Variants in NBEA observed in about 807,000 individuals in gnomAD.
NBEA encodes the protein neurobeachin, also known as lysosomal-trafficking regulator 2.
NBEA carries 44 observed loss-of-function variants against 343.4 expected under a neutral mutation model. That is an observed-to-expected ratio of 0.13 (90% CI 0.10 to 0.16). The LOEUF is 0.16. NBEA is among the 10% of genes least tolerant of loss of function. The pLI, the probability that NBEA is intolerant of heterozygous loss-of-function variation, is 1.00. For synonymous variants in NBEA, 1,175 were observed against 1,238.7 expected (o/e 0.95, Z 1.08); for missense variants, 2,555 against 3,631.3 (o/e 0.70, Z 7.62).
chr13:34,966,391 T>G (rs2059821407), intron 1 of NBEA, among the ~76,000 whole-genome samples: 1 of 152,048 alleles, frequency 6.6e-6, no homozygotes, highest in Non-Finnish European at 1.5e-5. Flanking sequence ...TAGCCCCAAG[T>G]TGTGCTTGTT....
At chr13:34,956,660 A>G (rs2152487671) in intron 1 of NBEA, among the ~76,000 whole-genome samples, 1 of 152,336 alleles carries the variant, frequency 6.6e-6, no homozygotes, top group East Asian at 1.9e-4. Context: ...CTTTGTGATA[A>G]GAACACTCAA....
chr13:35,115,159 C>T (rs573527316), intron 13 of NBEA, among the ~76,000 whole-genome samples: 2 of 152,202 alleles, frequency 1.3e-5, no homozygotes, highest in East Asian at 3.9e-4. Flanking sequence ...TGTTACTACT[C>T]TCCCAGGTAG....
intron 38 of NBEA, among the ~76,000 whole-genome samples, chr13:35,423,155 A>C (rs1344166809): frequency 1.3e-5 from 2 of 152,270 alleles, no homozygotes; most frequent in African/African-American, 4.8e-5. Context: ...TAGTTTAATT[A>C]GATCCCATTT....
At chr13:35,384,100 T>C (rs1226222136) in intron 38 of NBEA, among the ~76,000 whole-genome samples, 1 of 152,064 alleles carries the variant, frequency 6.6e-6, no homozygotes, top group Non-Finnish European at 1.5e-5. Flanking sequence ...GTCACACCCA[T>C]ACTGAGTGAG....
At chr13:35,254,939 A>G (rs1020121427) in intron 34 of NBEA, among the ~76,000 whole-genome samples, 1 of 152,070 alleles carries the variant, frequency 6.6e-6, no homozygotes, top group Non-Finnish European at 1.5e-5. Context: ...TTATTTCTCC[A>G]TAGGGAAGTA....
intron 8 of NBEA, among the ~76,000 whole-genome samples, chr13:35,068,565 A>G (rs1284422509): frequency 6.6e-6 from 1 of 152,072 alleles, no homozygotes; most frequent in Non-Finnish European, 1.5e-5. Flanking sequence ...TACCCTCCTC[A>G]TTCAAAAAAA....
intron 47 of NBEA, among the ~76,000 whole-genome samples, chr13:35,605,905 ATTTAC>A (rs1183458374): frequency 2.0e-5 from 3 of 151,558 alleles, no homozygotes; most frequent in Admixed American, 6.6e-5. Context: ...TATAAAAATA[ATTTAC>A]TTTATCAAGT....
chr13:35,271,099 G>A lies in NBEA; in HGVS notation c.5777-19290G>A, dbSNP rs796711128. ...TGACTGGGAGGCATCTCCCAGTAGGGGCCTACAGACACCTCATACAGGTGG... is the reference window on the plus strand; with the variant it reads ...TGACTGGGAGGCATCTCCCAGTAGGAGCCTACAGACACCTCATACAGGTGG... On this transcript the variant is annotated intron_variant, in intron 34 of 58. Transcript: ENST00000379939. Among the ~76,000 whole-genome samples the A allele has an allele frequency of 4.1e-4, 62 of 152,266 alleles. 1 individual carries two copies. The highest frequency in any genetic ancestry group is 1.4e-3 in the African/African-American group (59 of 41,558).
chr13:35,559,168 C>T lies in NBEA; in HGVS notation c.6922+4066C>T, dbSNP rs538227702. On this transcript the variant is annotated intron_variant, in intron 44 of 58. Coordinates refer to ENST00000379939, the MANE Select transcript of NBEA (RefSeq NM_001385012.1). ...TTTTCTTAGAGAAGCTTCAGTAATG[C>T]CATGACTGAATACTTGTTAGGGCAG... 4.6e-5 allele frequency among the ~76,000 whole-genome samples: 7 copies of T among 152,274 alleles called. No individual in the cohort carries two copies. The South Asian group carries it at 1.5e-3, about 32-fold the overall frequency.
At chr13:35,095,537 TA>T (rs1444077822) in intron 10 of NBEA, among the ~76,000 whole-genome samples, 1 of 151,760 alleles carries the variant, frequency 6.6e-6, no homozygotes, top group African/African-American at 2.4e-5. Context: ...AAATAAATGT[TA>T]GTTTCTAACT....
At chr13:35,108,022 C>T (rs1405536714) in intron 11 of NBEA, among the ~76,000 whole-genome samples, 4 of 152,042 alleles carry the variant, frequency 2.6e-5, no homozygotes, top group Non-Finnish European at 5.9e-5. Context: ...TCATGAAGTG[C>T]TTAAGTCAAA....
At chr13:35,525,209 A>G (rs2077911123) in intron 41 of NBEA, among the ~76,000 whole-genome samples, 1 of 152,212 alleles carries the variant, frequency 6.6e-6, no homozygotes, top group Non-Finnish European at 1.5e-5. Context: ...CAATCAAGAT[A>G]TGCATTAAAT....
chr13:35,461,853 G>A (rs1482021564), intron 40 of NBEA, among the ~76,000 whole-genome samples: 2 of 152,192 alleles, frequency 1.3e-5, no homozygotes, highest in East Asian at 3.9e-4. Context: ...GCTTGATGTT[G>A]CAGAGCCAGA....
intron 49 of NBEA, among the ~76,000 whole-genome samples, chr13:35,636,867 A>T (rs566027902): frequency 6.6e-5 from 10 of 152,352 alleles, no homozygotes; most frequent in Admixed American, 2.6e-4. Flanking sequence ...CAGGTAGGCG[A>T]ATCCCTAAGT....
chr13:35,133,433 T>G (rs1487248310), intron 17 of NBEA, among the ~76,000 whole-genome samples: 1 of 152,110 alleles, frequency 6.6e-6, no homozygotes, highest in African/African-American at 2.4e-5. Context: ...GAAGAACAAT[T>G]TACAATTTTT....
chr13:35,449,600 C>G (rs1340584234), intron 39 of NBEA, among the ~76,000 whole-genome samples: 1 of 152,186 alleles, frequency 6.6e-6, no homozygotes, highest in Non-Finnish European at 1.5e-5. Context: ...CTCTATATTT[C>G]TGTTTGCCAA....
intron 17 of NBEA, among the ~76,000 whole-genome samples, chr13:35,138,604 C>T (rs1194148080): frequency 3.3e-5 from 5 of 151,758 alleles, no homozygotes; most frequent in African/African-American, 1.2e-4. Context: ...GGATTACAGG[C>T]GCCTGTCACC....
At chr13:34,951,428 A>ATTG (rs2059346890) in intron 1 of NBEA, among the ~76,000 whole-genome samples, 1 of 152,178 alleles carries the variant, frequency 6.6e-6, no homozygotes, top group Admixed American at 6.5e-5. Context: ...AGTACTTACT[A>ATTG]TTGTTGTTTT....
intron 23 of NBEA, among the ~76,000 whole-genome samples, chr13:35,163,611 C>T (rs2069744655): frequency 7.1e-6 from 1 of 141,546 alleles, no homozygotes; most frequent in South Asian, 2.3e-4. Flanking sequence ...AGCAGAGATC[C>T]TTTCTCAAAA....
Sources: gnomAD v4.1 joint callset for allele counts (sites outside exome capture counted in the v4.1 genomes callset) on GRCh38, gnomAD v4.1.1 for gene constraint, MANE v1.5 for transcripts, NCBI Gene and HGNC (gene_info 2026-07-23, HGNC 2026-07-21) for gene names.